ZNF343: variants seen among roughly 807,000 people sequenced by gnomAD.
The protein encoded by ZNF343 is zinc finger protein 343.
A neutral mutation model predicts 13.8 loss-of-function variants in ZNF343; 11 were observed. That is an observed-to-expected ratio of 0.80 (90% CI 0.50 to 1.32). The LOEUF (loss-of-function observed/expected upper bound fraction) is 1.32, where lower values mean the gene tolerates loss of function less well. Among genes scored for constraint, ZNF343 ranks in the 40% most tolerant of loss-of-function variants. ZNF343 has a pLI of 0.00. For missense variants in ZNF343, 658 were observed against 714.2 expected (o/e 0.92, Z 0.90); for synonymous variants, 248 against 260.0 (o/e 0.95, Z 0.44).
At chr20:2,516,483 G>T (rs2085759975) in intron 1 of ZNF343, among the ~76,000 whole-genome samples, 1 of 152,108 alleles carries the variant, frequency 6.6e-6, no homozygotes. Context: ...GAGAGCAAGT[G>T]CACAGTGAGT....
intron 1 of ZNF343, among the ~76,000 whole-genome samples, chr20:2,521,892 C>G (rs1468376860): frequency 6.6e-6 from 1 of 152,184 alleles, no homozygotes; most frequent in East Asian, 1.9e-4. Flanking sequence ...GGAGGGGCTC[C>G]CCCTAGCGAG....
intron 5 of ZNF343, among the ~76,000 whole-genome samples, chr20:2,487,196 A>T (rs1600034033): frequency 6.6e-6 from 1 of 152,136 alleles, no homozygotes; most frequent in African/African-American, 2.4e-5. Flanking sequence ...TTCTCTTTGT[A>T]TTCGATTGTA....
At position 2,515,817 on chromosome 20, in the gene ZNF343, TGA is replaced by T. The variant is rs1002444919; in HGVS notation, c.-347+8636_-347+8637del. On this transcript the variant is annotated intron_variant, in intron 1 of 6. Transcript: ENST00000358413. ...TAGACTTCGAGGTTCAACATGAGAG[TGA>T]GAGACAGGCTCAGGTGATGGTACCA... Among the ~76,000 whole-genome samples the T allele has an allele frequency of 1.4e-4, 21 of 152,120 alleles. No homozygotes were observed. The East Asian group carries it at 1.5e-3, about 11-fold the overall frequency.
At chr20:2,515,371 T>C (rs977168769) in intron 1 of ZNF343, among the ~76,000 whole-genome samples, 1 of 152,198 alleles carries the variant, frequency 6.6e-6, no homozygotes, top group Non-Finnish European at 1.5e-5. Flanking sequence ...AATTTACAAA[T>C]GTAGTCAGAA....
chr20:2,512,432 G>A (rs1600082326), upstream of ZNF343, among the ~76,000 whole-genome samples: 3 of 152,202 alleles, frequency 2.0e-5, no homozygotes, highest in South Asian at 6.2e-4. Context: ...CAAAGCTTCA[G>A]TAATTAAAAC....
chr20:2,505,940 A>C (rs867697811), intron 1 of ZNF343, among the ~76,000 whole-genome samples: 9 of 152,352 alleles, frequency 5.9e-5, no homozygotes, highest in East Asian at 1.9e-4. Context: ...AAATTGACAA[A>C]CGGGATCTAA....
At position 2,483,632 on chromosome 20, in the gene ZNF343, C is replaced by T; in HGVS notation, c.1329G>A (p.Gly443=). The T allele has an allele frequency of 6.2e-7, 1 of 1,613,396 alleles. No homozygotes were observed. The highest frequency in any genetic ancestry group is 8.5e-7 in the Non-Finnish European group (1 of 1,179,652). ...DEKPYVCREC[G]RGFCDKSTLI... ...GGGTTGACTTGTCACAAAAGCCTCGCCCACACTCCCTGCAAACATAAGGCT... is the reference window on the plus strand; with the variant it reads ...GGGTTGACTTGTCACAAAAGCCTCGTCCACACTCCCTGCAAACATAAGGCT... Residue 443 remains glycine (G), a synonymous_variant, in exon 6 of 6, where the codon GGG becomes GGA. Coordinates refer to ENST00000278772, the MANE Select transcript of ZNF343 (RefSeq NM_024325.6).
intron 1 of ZNF343, among the ~76,000 whole-genome samples, chr20:2,507,878 C>T (rs2085689732): frequency 1.3e-5 from 2 of 152,074 alleles, no homozygotes; most frequent in Admixed American, 6.6e-5. Flanking sequence ...CACCATATGC[C>T]GGAAGTGATT....
chr20:2,515,471 T>TA (rs779501563), intron 1 of ZNF343, among the ~76,000 whole-genome samples: 1 of 152,212 alleles, frequency 6.6e-6, no homozygotes, highest in Non-Finnish European at 1.5e-5. Context: ...CAAAGAATCT[T>TA]AAAAAATATT....
chr20:2,510,848 A>T (rs1458234940), upstream of ZNF343, among the ~76,000 whole-genome samples: 2 of 152,230 alleles, frequency 1.3e-5, no homozygotes, highest in African/African-American at 2.4e-5. Flanking sequence ...AGGGGTTTGT[A>T]TAGCAGGGAA....
intron 1 of ZNF343, among the ~76,000 whole-genome samples, chr20:2,516,312 G>A (rs143374845): frequency 5.9e-5 from 9 of 152,216 alleles, no homozygotes; most frequent in East Asian, 3.9e-4. Context: ...GCAATGGAGC[G>A]AGACCCTGTC....
At chr20:2,502,209 A>G (rs1386790663) in intron 1 of ZNF343, among the ~76,000 whole-genome samples, 1 of 152,250 alleles carries the variant, frequency 6.6e-6, no homozygotes, top group East Asian at 1.9e-4. Flanking sequence ...AAGAAAGGGT[A>G]TCAGTGATGG....
rs1413299506 is a variant in ZNF343, at chr20:2,482,169, G to A, written c.*992C>T. On this transcript the variant is annotated 3_prime_UTR_variant, in exon 6 of 6. Coordinates refer to ENST00000278772, the MANE Select transcript of ZNF343 (RefSeq NM_024325.6). ...CCCATGTAAAGCTTGTCCCAAAAAAGCTGTTCTTTGATGAGGACTTTTTCC... is the reference window on the plus strand; with the variant it reads ...CCCATGTAAAGCTTGTCCCAAAAAAACTGTTCTTTGATGAGGACTTTTTCC... 2 of 152,168 alleles carry A rather than the reference G, an allele frequency of 1.3e-5. No individual in the cohort carries two copies. Among genetic ancestry groups the A allele is most frequent in the Non-Finnish European group, 2.9e-5 (2 of 68,038 alleles). 9.4% of individuals were successfully genotyped at this position (152,168 alleles called of 1,614,324 possible).
chr20:2,484,682 A>G (rs779701191), intron 5 of ZNF343, 26 bp from the exon 6 acceptor site: 2 of 1,554,930 alleles, frequency 1.3e-6, no homozygotes, highest in African/African-American at 1.4e-5. Flanking sequence ...TTTCTGTTAG[A>G]GTAGCCATAA....
intron 2 of ZNF343, among the ~76,000 whole-genome samples, chr20:2,497,337 C>A (rs1424159044): frequency 1.3e-5 from 2 of 152,008 alleles, no homozygotes; most frequent in Non-Finnish European, 2.9e-5. Context: ...GAGGAATTGT[C>A]AAGGACTAAG....
At chr20:2,521,669 A>T (rs546476051) in intron 1 of ZNF343, among the ~76,000 whole-genome samples, 4 of 152,216 alleles carry the variant, frequency 2.6e-5, no homozygotes, top group Non-Finnish European at 4.4e-5. Context: ...GCCAGTGGGT[A>T]TATGGTGGAA....
chr20:2,520,702 A>C (rs1254320246), intron 1 of ZNF343, among the ~76,000 whole-genome samples: 1 of 152,210 alleles, frequency 6.6e-6, no homozygotes, highest in Admixed American at 6.5e-5. Context: ...CTCTGGTCCC[A>C]GAAACTTGGG....
At chr20:2,505,322 T>C (rs1040710064) in intron 1 of ZNF343, among the ~76,000 whole-genome samples, 1 of 152,162 alleles carries the variant, frequency 6.6e-6, no homozygotes, top group Non-Finnish European at 1.5e-5. Context: ...TGGAAGAACA[T>C]TCCATGCTCA....
At chr20:2,503,650 G>A (rs1329149789) in intron 1 of ZNF343, among the ~76,000 whole-genome samples, 1 of 152,138 alleles carries the variant, frequency 6.6e-6, no homozygotes, top group Admixed American at 6.5e-5. Flanking sequence ...TCAGGATTAA[G>A]AAACTCACTC....
Sources: allele counts gnomAD v4.1 joint callset (sites outside exome capture counted in the v4.1 genomes callset), GRCh38; gene constraint gnomAD v4.1.1; transcripts MANE v1.5; gene names NCBI Gene and HGNC (gene_info 2026-07-23, HGNC 2026-07-21).